Variants in PRKCA observed in about 807,000 individuals in gnomAD.
The protein encoded by PRKCA is protein kinase C alpha, also known as protein kinase C alpha type.
PRKCA carries 27 observed loss-of-function variants against 87.0 expected under a neutral mutation model. The observed-to-expected ratio is 0.31, with a 90% CI of 0.23 to 0.43. The LOEUF is 0.43. Among genes scored for constraint, PRKCA ranks in the 20% least tolerant of loss-of-function variants. The pLI is 1.00. For synonymous variants in PRKCA, 329 were observed against 311.1 expected (o/e 1.06, Z -0.61); for missense variants, 518 against 852.3 (o/e 0.61, Z 4.88).
chr17:66,549,534 C>T (rs1049271829), intron 3 of PRKCA, among the ~76,000 whole-genome samples: 3 of 152,328 alleles, frequency 2.0e-5, no homozygotes, highest in Non-Finnish European at 4.4e-5. Context: ...GTGCATTTGC[C>T]TGTGTCGTAG....
At chr17:66,367,600 A>G (rs1342831439) in intron 2 of PRKCA, among the ~76,000 whole-genome samples, 1 of 152,154 alleles carries the variant, frequency 6.6e-6, no homozygotes, top group Admixed American at 6.5e-5. Context: ...TTGATAGTAA[A>G]TGGGGTAAAA....
At chr17:66,438,862 C>G (rs991492935) in intron 2 of PRKCA, among the ~76,000 whole-genome samples, 2 of 152,134 alleles carry the variant, frequency 1.3e-5, no homozygotes. Context: ...TACTGCCCCC[C>G]ATGATTCAAT....
At chr17:66,482,282 G>A (rs1479793246) in intron 2 of PRKCA, among the ~76,000 whole-genome samples, 1 of 151,842 alleles carries the variant, frequency 6.6e-6, no homozygotes, top group Non-Finnish European at 1.5e-5. Context: ...TGGAACTTAG[G>A]GCATGCAATC....
intron 3 of PRKCA, among the ~76,000 whole-genome samples, chr17:66,587,869 A>ATG (rs869036727): frequency 2.8e-4 from 22 of 79,066 alleles, no homozygotes; most frequent in East Asian, 1.7e-3. Flanking sequence ...ATACATATGT[A>ATG]TGTGTGTGTG....
At chr17:66,725,700 C>G (rs1973729693) in intron 8 of PRKCA, among the ~76,000 whole-genome samples, 1 of 151,606 alleles carries the variant, frequency 6.6e-6, no homozygotes, top group Non-Finnish European at 1.5e-5. Context: ...GTCCCAGCTA[C>G]TCAGGAGGCT....
chr17:66,636,824 C>T (rs947582002), intron 3 of PRKCA, among the ~76,000 whole-genome samples: 19 of 152,054 alleles, frequency 1.2e-4, no homozygotes, highest in Non-Finnish European at 2.4e-4. Flanking sequence ...GAGCTTGTGC[C>T]GGGACTGGGG....
intron 3 of PRKCA, among the ~76,000 whole-genome samples, chr17:66,563,244 T>C (rs1598772478): frequency 1.3e-5 from 2 of 152,284 alleles, no homozygotes; most frequent in East Asian, 3.9e-4. Context: ...AGTCTGTGGG[T>C]TTGGACAAAT....
intron 3 of PRKCA, among the ~76,000 whole-genome samples, chr17:66,594,511 G>A (rs1010787652): frequency 3.3e-5 from 5 of 152,190 alleles, no homozygotes. Flanking sequence ...TCAATGAAGG[G>A]CAAACTCAGG....
rs775305804 is a variant in PRKCA, at chr17:66,302,995, C to G, written c.144C>G (p.Thr48=). ...KFIARFFKQP[T]FCSHCTDFIW... is the part of the protein sequence containing the mutation. ...TCGCGCGCTTCTTCAAGCAGCCCACCTTCTGCAGCCACTGCACCGACTTCA... is the reference window on the plus strand; with the variant it reads ...TCGCGCGCTTCTTCAAGCAGCCCACGTTCTGCAGCCACTGCACCGACTTCA... The change falls in exon 1 of 17, where the codon ACC becomes ACG. Residue 48 remains threonine (T), a synonymous_variant. Transcript: ENST00000413366. The G allele has an allele frequency of 1.2e-6, 2 of 1,611,244 alleles. No individual in the cohort carries two copies. The highest frequency in any genetic ancestry group is 1.7e-6 in the Non-Finnish European group (2 of 1,178,694).
intron 2 of PRKCA, among the ~76,000 whole-genome samples, chr17:66,470,171 A>G (rs1164116295): frequency 1.3e-5 from 2 of 148,792 alleles, no homozygotes; most frequent in Admixed American, 1.4e-4. Flanking sequence ...CTGATGCTTA[A>G]TGGACCTGAA....
At chr17:66,385,764 C>G (rs1196900787) in intron 2 of PRKCA, among the ~76,000 whole-genome samples, 2 of 152,078 alleles carry the variant, frequency 1.3e-5, no homozygotes, top group Non-Finnish European at 2.9e-5. Flanking sequence ...GATGGAAGGG[C>G]ACAATTATTT....
chr17:66,483,548 C>G (rs1915872437), intron 2 of PRKCA, among the ~76,000 whole-genome samples: 1 of 151,964 alleles, frequency 6.6e-6, no homozygotes, highest in Non-Finnish European at 1.5e-5. Context: ...CCTGCAAGCT[C>G]CACCTCCCAG....
At chr17:66,377,927 A>G (rs542683779) in intron 2 of PRKCA, among the ~76,000 whole-genome samples, 1 of 151,812 alleles carries the variant, frequency 6.6e-6, no homozygotes, top group South Asian at 2.1e-4. Context: ...CCTGCTGCTT[A>G]TTATTGTCAT....
intron 2 of PRKCA, among the ~76,000 whole-genome samples, chr17:66,410,939 C>T (rs978513522): frequency 6.6e-6 from 1 of 152,172 alleles, no homozygotes; most frequent in Non-Finnish European, 1.5e-5. Flanking sequence ...CTACTCTGGA[C>T]AGGAGTTTGC....
At chr17:66,755,796 G>A (rs1974534191) in intron 13 of PRKCA, among the ~76,000 whole-genome samples, 1 of 152,158 alleles carries the variant, frequency 6.6e-6, no homozygotes, top group Non-Finnish European at 1.5e-5. Context: ...TAGAGCCATT[G>A]GCGCCTCCCA....
Position 66,735,527 on chromosome 17 carries a change from T to C in PRKCA, c.1095T>C (p.Tyr365=). 1 of 1,614,124 alleles carries C rather than the reference T, an allele frequency of 6.2e-7. No homozygotes were observed. The highest frequency in any genetic ancestry group is 8.5e-7 in the Non-Finnish European group (1 of 1,180,016). ...ACAGGAAGGGCACAGAAGAACTGTA[T>C]GCAATCAAAATCCTGAAGAAGGATG... ...LADRKGTEEL[Y]AIKILKKDVV... Residue 365 remains tyrosine (Y), a synonymous_variant, in exon 10 of 17, where the codon TAT becomes TAC. Transcript: ENST00000413366.
chr17:66,456,162 C>A (rs1397051210), intron 2 of PRKCA, among the ~76,000 whole-genome samples: 1 of 152,120 alleles, frequency 6.6e-6, no homozygotes, highest in Non-Finnish European at 1.5e-5. Context: ...GGAACAGATT[C>A]TTTCTCAGAG....
intron 2 of PRKCA, among the ~76,000 whole-genome samples, chr17:66,359,903 C>T (rs112174831): frequency 2.0e-5 from 3 of 152,238 alleles, no homozygotes; most frequent in African/African-American, 7.2e-5. Flanking sequence ...TTCTTGTTGC[C>T]TCTGACTATT....
chr17:66,305,970 C>T, intron 1 of PRKCA, 126 bp from the exon 2 acceptor site: 1 of 866,300 alleles, frequency 1.2e-6, no homozygotes. Context: ...ATGTTTTTTT[C>T]TATTAAATCA....
Sources: allele counts gnomAD v4.1 joint callset (sites outside exome capture counted in the v4.1 genomes callset), GRCh38; gene constraint gnomAD v4.1.1; transcripts MANE v1.5; gene names NCBI Gene and HGNC (gene_info 2026-07-23, HGNC 2026-07-21).